Variants in KCNAB2 observed in about 807,000 individuals in gnomAD.
The protein encoded by KCNAB2 is potassium voltage-gated channel subfamily A regulatory beta subunit 2, also known as voltage-gated potassium channel subunit beta-2.
KCNAB2 carries 29 observed loss-of-function variants against 63.6 expected under a neutral mutation model. The observed-to-expected ratio is 0.46, with a 90% CI of 0.34 to 0.62. The LOEUF (loss-of-function observed/expected upper bound fraction) is 0.62, where lower values mean the gene tolerates loss of function less well. Among genes scored for constraint, KCNAB2 ranks in the 20% least tolerant of loss-of-function variants. The pLI, the probability that KCNAB2 is intolerant of heterozygous loss-of-function variation, is 0.01. For synonymous variants in KCNAB2, 222 were observed against 224.2 expected (o/e 0.99, Z 0.09); for missense variants, 359 against 563.9 (o/e 0.64, Z 3.68).
intron 1 of KCNAB2, among the ~76,000 whole-genome samples, chr1:6,017,562 G>A (rs1188905054): frequency 6.6e-6 from 1 of 152,128 alleles, no homozygotes; most frequent in African/African-American, 2.4e-5. Flanking sequence ...GGGAGGCCGA[G>A]GCAGGCAGAT....
At chr1:6,002,515 TC>T (rs1486388998) in intron 1 of KCNAB2, among the ~76,000 whole-genome samples, 1 of 152,252 alleles carries the variant, frequency 6.6e-6, no homozygotes, top group African/African-American at 2.4e-5. Context: ...ATGCCTGTCA[TC>T]TGTACTGAGG....
intron 6 of KCNAB2, chr1:6,085,971 C>T: frequency 1.0e-6 from 1 of 985,452 alleles, no homozygotes; most frequent in Non-Finnish European, 1.2e-6. Flanking sequence ...GATCGGGGGC[C>T]ATCCACCCTT....
chr1:6,097,758 G>A (rs1041479068), intron 15 of KCNAB2: 3 of 434,326 alleles, frequency 6.9e-6, no homozygotes, highest in African/African-American at 6.0e-5. Context: ...CCTTCCACCA[G>A]CAGGAAGAGT....
chr1:6,100,059 C>A lies in KCNAB2; in HGVS notation c.*1485C>A. 6.7e-7 allele frequency: 1 copy of A among 1,493,612 alleles called. No homozygotes were observed. The highest frequency in any genetic ancestry group is 1.4e-5 in the African/African-American group (1 of 71,572). 92.5% of individuals were successfully genotyped at this position (1,493,612 alleles called of 1,614,324 possible). On this transcript the variant is annotated 3_prime_UTR_variant, in exon 16 of 16. Transcript: ENST00000378083. ...TGTGTCTCCTGCCCCCAGGGCGCAC[C>A]CTCAGTGCAGGCACCTCTGTTCCCG...
At chr1:6,008,646 CAG>C (rs1175671124) in intron 1 of KCNAB2, among the ~76,000 whole-genome samples, 2 of 149,952 alleles carry the variant, frequency 1.3e-5, no homozygotes, top group Non-Finnish European at 1.5e-5. Context: ...AAGGATCACT[CAG>C]GACACCAACA....
chr1:6,072,621 CG>C, intron 2 of KCNAB2, 133 bp from the exon 3 acceptor site: 6 of 930,560 alleles, frequency 6.4e-6, no homozygotes, highest in Non-Finnish European at 1.0e-5. Flanking sequence ...TGAAGGTCCC[CG>C]GTGCCTTTCG....
rs1665925809 is a variant in KCNAB2, at chr1:6,100,003, AC to A, written c.*1433del. 2 of 1,540,380 alleles carry A rather than the reference AC, an allele frequency of 1.3e-6. No individual in the cohort carries two copies. The highest frequency in any genetic ancestry group is 2.4e-5 in the East Asian group (1 of 40,818). ...GCAGGGCTCCACTGAAGCCACCCCCACCCCTCGCCAGCTAGCTCCATAGGGA... is the reference window on the plus strand; with the variant it reads ...GCAGGGCTCCACTGAAGCCACCCCCACCCTCGCCAGCTAGCTCCATAGGGA... On this transcript the variant is annotated 3_prime_UTR_variant, in exon 16 of 16. Transcript: ENST00000378083.
chr1:6,011,457 G>T (rs1557929811), intron 1 of KCNAB2, among the ~76,000 whole-genome samples: 1 of 152,122 alleles, frequency 6.6e-6, no homozygotes, highest in South Asian at 2.1e-4. Flanking sequence ...TGGGAGAGAG[G>T]CAGGCACGTG....
Position 6,068,932 on chromosome 1 carries a change from G to A in KCNAB2, c.219-3823G>A, listed in dbSNP as rs553102146. 1.4e-4 allele frequency among the ~76,000 whole-genome samples: 22 copies of A among 152,342 alleles called. No homozygotes were observed. In the South Asian group the frequency reaches 3.1e-3, roughly 22 times the overall value. On this transcript the variant is annotated intron_variant, in intron 2 of 15. Coordinates refer to ENST00000378083, the MANE Select transcript of KCNAB2 (RefSeq NM_001199862.2). ...ACATTCTTGCCCAAGGGCCTAAGGC[G>A]TGCTCAGTGTAGGATGGCGGGAGGC...
intron 1 of KCNAB2, among the ~76,000 whole-genome samples, chr1:6,009,519 C>CAGCCTGAT (rs1259267671): frequency 6.6e-6 from 1 of 152,258 alleles, no homozygotes; most frequent in Non-Finnish European, 1.5e-5. Context: ...ACACACTGTC[C>CAGCCTGAT]AGCCTGATTC....
chr1:6,056,192 G>A (rs543759168), intron 2 of KCNAB2, among the ~76,000 whole-genome samples: 11 of 152,170 alleles, frequency 7.2e-5, no homozygotes, highest in Admixed American at 1.3e-4. Flanking sequence ...CTACAGGCGC[G>A]AGCCACCATG....
chr1:6,091,153 C>T (rs1412844598), intron 9 of KCNAB2, 110 bp from the exon 10 acceptor site: 8 of 765,358 alleles, frequency 1.0e-5, no homozygotes, highest in African/African-American at 6.9e-5. Context: ...TAACTAAACG[C>T]GTGTTCTGCA....
Position 6,096,776 on chromosome 1 carries a change from G to T in KCNAB2, c.1069+20G>T. 1 of 1,555,014 alleles carries T rather than the reference G, an allele frequency of 6.4e-7. No individual in the cohort carries two copies. Among genetic ancestry groups the T allele is most frequent in the Non-Finnish European group, 8.7e-7 (1 of 1,147,778 alleles). On this transcript the variant is annotated intron_variant, in intron 14 of 15. Coordinates refer to ENST00000378083, the MANE Select transcript of KCNAB2 (RefSeq NM_001199862.2). This position sits in a 1 kb window ranked among gnomAD's most constrained non-coding sequence, Gnocchi z 5.9. ...CCATAGGTAACGGTGGGGTCGCCAT[G>T]GGGCCAGTGCCCCTGGGGAGAACCT...
chr1:6,051,675 A>G lies in KCNAB2; in HGVS notation c.139A>G (p.Arg47Gly). 6.5e-7 allele frequency: 1 copy of G among 1,533,936 alleles called. No homozygotes were observed. Reference protein sequence around the residue: ...LREVRAAAQARNMESFLRMHG... With the variant: ...LREVRAAAQAGNMESFLRMHG... ...GGAGGTGCGGGCGGCTGCCCAGGCC[A>G]GGAACATGGAGAGCTTCCTCCGCAT... Residue 47 changes from arginine (R) to glycine (G), a missense_variant, in exon 2 of 16, where the codon AGG becomes GGG. Coordinates refer to ENST00000378083, the MANE Select transcript of KCNAB2 (RefSeq NM_001199862.2).
At chr1:6,093,346 C>T (rs3789530) in intron 10 of KCNAB2, among the ~76,000 whole-genome samples, 13,507 of 152,316 alleles carry the variant, frequency 0.089, 730 homozygotes, top group East Asian at 0.19. Context: ...AGTCCCTCGC[C>T]CTGCAAAGCT....
upstream of KCNAB2, chr1:6,041,849 C>G: frequency 2.5e-6 from 4 of 1,613,928 alleles, no homozygotes; most frequent in Non-Finnish European, 3.4e-6. Flanking sequence ...ATGGGAGTCC[C>G]AAAAGACAGC....
chr1:6,044,841 C>T (rs1045408881), upstream of KCNAB2, among the ~76,000 whole-genome samples: 2 of 152,082 alleles, frequency 1.3e-5, no homozygotes, highest in Non-Finnish European at 1.5e-5. Flanking sequence ...GAAAAAAGGA[C>T]GTCAGAAGCC....
rs34469919 is a variant in KCNAB2 at position 6,096,785 on chromosome 1, GC to G, written c.1069+33del. The G allele has an allele frequency of 6.5e-7, 1 of 1,536,634 alleles. No homozygotes were observed. The highest frequency in any genetic ancestry group is 8.8e-7 in the Non-Finnish European group (1 of 1,136,360). On this transcript the variant is annotated intron_variant, in intron 14 of 15. Coordinates refer to ENST00000378083, the MANE Select transcript of KCNAB2 (RefSeq NM_001199862.2). The surrounding 1 kb of genome is among the most constrained non-coding windows in gnomAD (Gnocchi z 5.9). ...ACGGTGGGGTCGCCATGGGGCCAGTGCCCCTGGGGAGAACCTGCCCCAGCTG... is the reference window on the plus strand; with the variant it reads ...ACGGTGGGGTCGCCATGGGGCCAGTGCCCTGGGGAGAACCTGCCCCAGCTG...
chr1:6,064,155 T>C (rs1458216292), intron 2 of KCNAB2, among the ~76,000 whole-genome samples: 1 of 152,224 alleles, frequency 6.6e-6, no homozygotes, highest in African/African-American at 2.4e-5. Flanking sequence ...CCAGCATGCG[T>C]AGCACCACTT....
Sources: gnomAD v4.1 joint callset for allele counts (sites outside exome capture counted in the v4.1 genomes callset) on GRCh38, gnomAD v4.1.1 for gene constraint, Gnocchi (gnomAD v3.1) non-coding constraint, MANE v1.5 for transcripts, NCBI Gene and HGNC (gene_info 2026-07-23, HGNC 2026-07-21) for gene names.